The following KATNIP variants were observed in gnomAD, a reference collection of about 807,000 sequenced individuals.
KATNIP encodes katanin interacting protein.
A neutral mutation model predicts 174.0 loss-of-function variants in KATNIP; 126 were observed. That is an observed-to-expected ratio of 0.72 (90% CI 0.63 to 0.84). KATNIP has a LOEUF of 0.84. Among genes scored for constraint, KATNIP ranks in the 40% least tolerant of loss-of-function variants. The pLI is 0.00. For missense variants in KATNIP, 1,958 were observed against 2,109.7 expected (o/e 0.93, Z 1.41); for synonymous variants, 810 against 835.7 (o/e 0.97, Z 0.53).
intron 2 of KATNIP, among the ~76,000 whole-genome samples, chr16:27,598,110 C>T (rs769634279): frequency 5.5e-4 from 84 of 152,084 alleles, no homozygotes; most frequent in Non-Finnish European, 9.6e-4. Context: ...ATGCCTGTTG[C>T]TCCAGCTACT....
intron 2 of KATNIP, among the ~76,000 whole-genome samples, chr16:27,591,220 C>G (rs1301744958): frequency 1.3e-5 from 2 of 151,352 alleles, no homozygotes; most frequent in East Asian, 3.9e-4. Context: ...GAGTCTCGCT[C>G]TGTCACCAGG....
intron 2 of KATNIP, among the ~76,000 whole-genome samples, chr16:27,597,055 A>G (rs762511494): frequency 6.6e-6 from 1 of 151,992 alleles, no homozygotes; most frequent in Admixed American, 6.6e-5. Flanking sequence ...TTAGCTGGTC[A>G]TGATGGTGCG....
chr16:27,753,720 T>TCCTTCCTTCCTTCCCTC (rs1454328914), intron 17 of KATNIP, among the ~76,000 whole-genome samples: 1 of 151,412 alleles, frequency 6.6e-6, no homozygotes, highest in African/African-American at 2.4e-5. Flanking sequence ...TCCCCTTCCT[T>TCCTTCCTTCCTTCCCTC]CCTTCCTTCC....
intron 14 of KATNIP, among the ~76,000 whole-genome samples, chr16:27,724,147 G>C (rs2080350332): frequency 6.6e-6 from 1 of 152,166 alleles, no homozygotes. Context: ...CTGGCCTCTT[G>C]TGTGCTCAGA....
intron 2 of KATNIP, among the ~76,000 whole-genome samples, chr16:27,580,125 T>A (rs933729231): frequency 1.3e-5 from 2 of 152,142 alleles, no homozygotes; most frequent in Non-Finnish European, 2.9e-5. Flanking sequence ...TTTTGTTTTT[T>A]TGTTTTAGAC....
At chr16:27,722,177 G>T (rs1319338202) in intron 14 of KATNIP, 1 of 155,518 alleles carries the variant, frequency 6.4e-6, no homozygotes, top group African/African-American at 2.4e-5. Context: ...TGTAGGTCTA[G>T]CCAGCTCCCA....
intron 11 of KATNIP, among the ~76,000 whole-genome samples, chr16:27,702,286 A>C (rs1448246808): frequency 6.6e-6 from 1 of 152,178 alleles, no homozygotes; most frequent in Non-Finnish European, 1.5e-5. Flanking sequence ...CAGCTGGTCT[A>C]GGGGGCGAGG....
chr16:27,592,768 T>C (rs2075217827), intron 2 of KATNIP, among the ~76,000 whole-genome samples: 1 of 152,196 alleles, frequency 6.6e-6, no homozygotes, highest in Non-Finnish European at 1.5e-5. Context: ...TTGGCCAGGC[T>C]GGTCTCGAAC....
intron 2 of KATNIP, among the ~76,000 whole-genome samples, chr16:27,578,452 G>A (rs922865827): frequency 6.6e-6 from 1 of 152,144 alleles, no homozygotes; most frequent in African/African-American, 2.4e-5. Context: ...CAGATACCAG[G>A]AGGCAAAACC....
At chr16:27,770,252 A>G (rs918713561) in intron 21 of KATNIP, among the ~76,000 whole-genome samples, 2 of 152,230 alleles carry the variant, frequency 1.3e-5, no homozygotes, top group Non-Finnish European at 2.9e-5. Flanking sequence ...AAGATTTTAA[A>G]TGCTTCATTG....
intron 6 of KATNIP, among the ~76,000 whole-genome samples, chr16:27,674,865 G>A (rs186600707): frequency 6.6e-5 from 10 of 152,170 alleles, no homozygotes; most frequent in African/African-American, 1.9e-4. Flanking sequence ...ATCCATTACC[G>A]TAACAACTCA....
chr16:27,716,554 A>C (rs987313564), intron 13 of KATNIP, among the ~76,000 whole-genome samples: 1 of 152,184 alleles, frequency 6.6e-6, no homozygotes, highest in African/African-American at 2.4e-5. Context: ...ACTGTAGTAC[A>C]TAATCAAAAC....
At chr16:27,566,022 GT>G (rs200468514) in intron 1 of KATNIP, among the ~76,000 whole-genome samples, 10,444 of 131,556 alleles carry the variant, frequency 0.079, 359 homozygotes, top group Middle Eastern at 0.11. Context: ...ACCAGCAGCT[GT>G]TTTTTTTTTT....
intron 13 of KATNIP, among the ~76,000 whole-genome samples, chr16:27,716,549 A>G (rs774616148): frequency 2.6e-5 from 4 of 152,134 alleles, no homozygotes; most frequent in Non-Finnish European, 5.9e-5. Context: ...ATGTAACTGT[A>G]GTACATAATC....
At chr16:27,658,425 T>A (rs899837574) in intron 6 of KATNIP, among the ~76,000 whole-genome samples, 2 of 152,196 alleles carry the variant, frequency 1.3e-5, no homozygotes, top group African/African-American at 4.8e-5. Context: ...ACACTTCCAA[T>A]GGAAGGAGCA....
At chr16:27,748,488 G>A (rs2081373080) in intron 15 of KATNIP, among the ~76,000 whole-genome samples, 1 of 152,224 alleles carries the variant, frequency 6.6e-6, no homozygotes, top group South Asian at 2.1e-4. Flanking sequence ...CAACTCGGGA[G>A]GCTGAGGTGG....
chr16:27,669,211 C>T (rs2077798708), intron 6 of KATNIP: 1 of 838,894 alleles, frequency 1.2e-6, no homozygotes, highest in Non-Finnish European at 1.4e-6. Context: ...GCATAGAAGG[C>T]ATTAATTCAC....
intron 15 of KATNIP, among the ~76,000 whole-genome samples, chr16:27,746,224 G>A (rs747862690): frequency 1.3e-5 from 2 of 152,062 alleles, no homozygotes; most frequent in African/African-American, 2.4e-5. Context: ...TGCCTGCCTC[G>A]CACACTCAGG....
chr16:27,738,796 G>A (rs1221125298), intron 14 of KATNIP, among the ~76,000 whole-genome samples: 2 of 152,148 alleles, frequency 1.3e-5, no homozygotes, highest in South Asian at 2.1e-4. Flanking sequence ...TGCAGCTGCC[G>A]TGAACATGGG....
Sources: allele counts gnomAD v4.1 joint callset (sites outside exome capture counted in the v4.1 genomes callset), GRCh38; gene constraint gnomAD v4.1.1; transcripts MANE v1.5; gene names NCBI Gene and HGNC (gene_info 2026-07-23, HGNC 2026-07-21).